The following DIAPH2 variants were observed in gnomAD, a reference collection of about 807,000 sequenced individuals.
The protein encoded by DIAPH2 is diaphanous related formin 2.
DIAPH2 carries 35 observed loss-of-function variants against 92.7 expected under a neutral mutation model. The observed-to-expected ratio is 0.38, with a 90% CI of 0.29 to 0.50. The LOEUF (loss-of-function observed/expected upper bound fraction) is 0.50. Ranked by LOEUF, DIAPH2 falls within the 20% of genes least tolerant of loss-of-function variation. DIAPH2 has a pLI of 0.94. For synonymous variants in DIAPH2, 301 were observed against 280.4 expected (o/e 1.07, Z -0.73); for missense variants, 701 against 819.5 (o/e 0.86, Z 1.77).
chrX:97,070,135 TAGC>T (rs1355973508), intron 17 of DIAPH2, among the ~76,000 whole-genome samples: 1 of 111,514 alleles, frequency 9.0e-6, no homozygotes, highest in Non-Finnish European at 1.9e-5. Context: ...ATTATTCTAT[TAGC>T]AGTGCCAATT....
chrX:97,524,384 A>C, intron 26 of DIAPH2, among the ~76,000 whole-genome samples: 1 of 112,356 alleles, frequency 8.9e-6, no homozygotes, highest in Middle Eastern at 4.6e-3. Flanking sequence ...GCATTTTATT[A>C]CCAACAAGAT....
At chrX:97,503,154 G>A (rs2070810176) in intron 26 of DIAPH2, among the ~76,000 whole-genome samples, 1 of 112,068 alleles carries the variant, frequency 8.9e-6, no homozygotes, top group Non-Finnish European at 1.9e-5. Context: ...TAGCATTTAT[G>A]AACTGTTACT....
intron 26 of DIAPH2, among the ~76,000 whole-genome samples, chrX:97,494,127 T>TTGTG (rs202082447): frequency 6.0e-5 from 6 of 99,610 alleles, no homozygotes; most frequent in African/African-American, 1.8e-4. Context: ...ATGTATATAT[T>TTGTG]TGTGTGTGTG....
intron 26 of DIAPH2, among the ~76,000 whole-genome samples, chrX:97,501,617 T>C (rs761517997): frequency 2.5e-4 from 28 of 111,383 alleles, no homozygotes; most frequent in African/African-American, 8.5e-4. Context: ...TTTATTTCCA[T>C]GAATCAAATT....
At chrX:97,403,956 C>T (rs543714675) in intron 25 of DIAPH2, among the ~76,000 whole-genome samples, 2 of 109,235 alleles carry the variant, frequency 1.8e-5, no homozygotes, top group African/African-American at 6.7e-5. Flanking sequence ...TGGGTTCAAG[C>T]GATTCTCCTG....
intron 4 of DIAPH2, among the ~76,000 whole-genome samples, chrX:96,833,979 TATA>T (rs2064872358): frequency 8.9e-6 from 1 of 111,762 alleles, no homozygotes; most frequent in Non-Finnish European, 1.9e-5. Context: ...TATTAACATA[TATA>T]CATACACCAT....
chrX:96,913,210 A>G (rs1293712637), intron 7 of DIAPH2, among the ~76,000 whole-genome samples: 1 of 111,476 alleles, frequency 9.0e-6, no homozygotes, highest in Admixed American at 9.6e-5. Context: ...AACAAAAAAA[A>G]TGATTGGAAA....
chrX:96,801,001 T>G (rs1478713404), intron 4 of DIAPH2, among the ~76,000 whole-genome samples: 1 of 112,273 alleles, frequency 8.9e-6, no homozygotes, highest in Admixed American at 9.4e-5. Flanking sequence ...TTCCCTTTGG[T>G]AAAGGAATGT....
At chrX:97,053,861 G>T (rs180703447) in intron 17 of DIAPH2, among the ~76,000 whole-genome samples, 63 of 111,994 alleles carry the variant, frequency 5.6e-4, no homozygotes, top group African/African-American at 1.9e-3. Flanking sequence ...TGATTTTTCA[G>T]TTCAGGACTA....
chrX:96,843,686 C>A (rs987521503), intron 4 of DIAPH2, among the ~76,000 whole-genome samples: 1 of 111,438 alleles, frequency 9.0e-6, no homozygotes, highest in African/African-American at 3.3e-5. Context: ...AGCCTGTTAA[C>A]TACTCTCGCC....
At chrX:96,891,329 A>G (rs532763803) in intron 5 of DIAPH2, among the ~76,000 whole-genome samples, 4 of 112,260 alleles carry the variant, frequency 3.6e-5, no homozygotes, top group East Asian at 2.8e-4. Context: ...TTACAACTCT[A>G]TTTAACACTC....
In DIAPH2 at chrX:97,315,173, G is replaced by A. The variant is rs150487619; in HGVS notation, c.2845-32943G>A. ...AGGTATACAAGTCAGTTGCCATGGT[G>A]CACAACTGTAGTTTCAGCTATTCAG... On this transcript the variant is annotated intron_variant, in intron 23 of 26. Coordinates refer to ENST00000324765, the MANE Select transcript of DIAPH2 (RefSeq NM_006729.5). Among the ~76,000 whole-genome samples the A allele has an allele frequency of 2.2e-3, 247 of 110,783 alleles. 2 individuals carry two copies. Among genetic ancestry groups the A allele is most frequent in the African/African-American group, 7.6e-3 (233 of 30,532 alleles).
chrX:97,177,726 A>C (rs868782482), intron 22 of DIAPH2, among the ~76,000 whole-genome samples: 1 of 94,635 alleles, frequency 1.1e-5, no homozygotes, highest in East Asian at 3.4e-4. Context: ...AAAAAAAAAA[A>C]CAAAAACCCT....
chrX:97,254,603 AATATCT>A (rs1448510904), intron 23 of DIAPH2, among the ~76,000 whole-genome samples: 1 of 110,653 alleles, frequency 9.0e-6, no homozygotes, highest in Admixed American at 9.6e-5. Flanking sequence ...TTATGCTAGG[AATATCT>A]ATATCTATAT....
At chrX:97,435,973 A>G (rs1023198642) in intron 26 of DIAPH2, among the ~76,000 whole-genome samples, 1 of 109,993 alleles carries the variant, frequency 9.1e-6, no homozygotes, top group Non-Finnish European at 1.9e-5. Context: ...CGCCCGGCTA[A>G]TTTTTGTATT....
At chrX:97,047,644 C>G (rs1314099490) in intron 17 of DIAPH2, among the ~76,000 whole-genome samples, 2 of 87,216 alleles carry the variant, frequency 2.3e-5, no homozygotes, top group Non-Finnish European at 4.2e-5. Context: ...CAAGTATATA[C>G]TTTGGCAGGT....
intron 25 of DIAPH2, among the ~76,000 whole-genome samples, chrX:97,392,536 C>T (rs920910915): frequency 1.8e-5 from 2 of 111,698 alleles, no homozygotes; most frequent in Admixed American, 1.9e-4. Context: ...AGGCTAAATA[C>T]AGCCTCTGAA....
In DIAPH2 at chrX:97,599,209, T is replaced by TA. The variant is rs1337065198; in HGVS notation, c.3242-40dup. 12 of 1,037,894 alleles carry TA rather than the reference T, an allele frequency of 1.2e-5. 1 individual carries two copies. In the Admixed American group the frequency reaches 1.8e-4, roughly 15 times the overall value. 85.5% of individuals were successfully genotyped at this position (1,037,894 alleles called of 1,213,427 possible). A position where few individuals can be genotyped will look rare whatever the true frequency, so the allele number is the denominator to read the frequency against. ...CTAACATCATGTAATAGCAAAGATCTAAAACTTACCATGCTTTTGGTCCTT... is the reference window on the plus strand; with the variant it reads ...CTAACATCATGTAATAGCAAAGATCTAAAAACTTACCATGCTTTTGGTCCTT... On this transcript the variant is annotated intron_variant, in intron 26 of 26. Coordinates refer to ENST00000324765, the MANE Select transcript of DIAPH2 (RefSeq NM_006729.5).
intron 23 of DIAPH2, 108 bp from the exon 24 acceptor site, chrX:97,348,008 G>C (rs1354157671): frequency 2.7e-6 from 2 of 741,240 alleles, no homozygotes; most frequent in South Asian, 2.7e-5. Flanking sequence ...AAGTATTTGT[G>C]CATTACTAAT....
Sources: allele counts gnomAD v4.1 joint callset (sites outside exome capture counted in the v4.1 genomes callset), GRCh38; gene constraint gnomAD v4.1.1; transcripts MANE v1.5; gene names NCBI Gene and HGNC (gene_info 2026-07-23, HGNC 2026-07-21).